The following DYNC1LI2 variants were observed in gnomAD, a reference collection of about 807,000 sequenced individuals.
The protein encoded by DYNC1LI2 is cytoplasmic dynein 1 light intermediate chain 2.
DYNC1LI2 carries 19 observed loss-of-function variants against 57.8 expected under a neutral mutation model. The ratio of observed to expected loss-of-function variants is 0.33; its 90% CI spans 0.23 to 0.48. The LOEUF (loss-of-function observed/expected upper bound fraction) is 0.48. Ranked by LOEUF, DYNC1LI2 falls within the 20% of genes least tolerant of loss-of-function variation. DYNC1LI2 has a pLI of 0.99. For missense variants in DYNC1LI2, 470 were observed against 604.2 expected, an observed-to-expected ratio of 0.78 and a Z score of 2.33; for synonymous variants, 256 against 233.4, an observed-to-expected ratio of 1.10 and a Z score of -0.88.
At chr16:66,738,880 AACAAACACACAC>A (rs1461821352) in intron 4 of DYNC1LI2, 4 of 103,188 alleles carry the variant, frequency 3.9e-5, no homozygotes, top group Non-Finnish European at 3.8e-5. Context: ...TTCAAAAAAA[AACAAACACACAC>A]ACACACACAC....
At chr16:66,748,181 G>A (rs1393866448) in intron 3 of DYNC1LI2, among the ~76,000 whole-genome samples, 2 of 150,302 alleles carry the variant, frequency 1.3e-5, no homozygotes, top group Non-Finnish European at 3.0e-5. Context: ...AGGAGGATGA[G>A]GTGGAAGGAT....
intron 2 of DYNC1LI2, among the ~76,000 whole-genome samples, chr16:66,750,251 C>G (rs1392020643): frequency 6.6e-6 from 1 of 152,164 alleles, no homozygotes; most frequent in South Asian, 2.1e-4. Context: ...TATTACCTAC[C>G]ACAGTCAATT....
chr16:66,727,847 T>A, intron 10 of DYNC1LI2, 42 bp from the exon 11 acceptor site: 1 of 1,509,896 alleles, frequency 6.6e-7, no homozygotes, highest in Admixed American at 1.9e-5. Context: ...GGCATAACAA[T>A]AACAAAAAAT....
rs144050843 is a variant in DYNC1LI2, at chr16:66,727,625, T to C, written c.1261+63A>G. The C allele has an allele frequency of 3.2e-4, 487 of 1,535,730 alleles. 5 individuals are homozygous for C. In the African/African-American group the frequency reaches 5.6e-3, roughly 18 times the overall value. On this transcript the variant is annotated intron_variant, in intron 11 of 12. Transcript: ENST00000258198. ...CTTATAGACTCAGCCACCCAGCCCC[T>C]GCAGGGCTCAGGTCTAAAACTAAAC...
intron 12 of DYNC1LI2, among the ~76,000 whole-genome samples, chr16:66,725,064 C>T (rs147026490): frequency 0.028 from 4,288 of 151,760 alleles, 91 homozygotes; most frequent in Non-Finnish European, 0.041. Context: ...GTCCCAGCTA[C>T]TCGGGAGGCT....
chr16:66,735,745 ATCCGCCCACC>A (rs1438831211), intron 5 of DYNC1LI2, among the ~76,000 whole-genome samples: 1 of 151,918 alleles, frequency 6.6e-6, no homozygotes, highest in Non-Finnish European at 1.5e-5. Context: ...TGACCTCATG[ATCCGCCCACC>A]TCAGCCTCCC....
intron 7 of DYNC1LI2, chr16:66,730,424 A>T: frequency 2.1e-6 from 1 of 483,116 alleles, no homozygotes; most frequent in Non-Finnish European, 3.7e-6. Flanking sequence ...CCTGCTCCAT[A>T]CTGAGTTCAT....
Position 66,723,600 on chromosome 16 carries a change from T to A in DYNC1LI2, c.*122A>T, listed in dbSNP as rs1181187337. On this transcript the variant is annotated 3_prime_UTR_variant, in exon 13 of 13. Coordinates refer to ENST00000258198, the MANE Select transcript of DYNC1LI2 (RefSeq NM_006141.3). Reference sequence around the variant, plus strand: ...GCCAATGAAGTTTTTTTTTTTTTTTTAAAGTTCATCTCCCCTGCCCCAAAA... The same window carrying A: ...GCCAATGAAGTTTTTTTTTTTTTTTAAAAGTTCATCTCCCCTGCCCCAAAA... The A allele has an allele frequency of 2.6e-5, 20 of 782,310 alleles. No homozygotes were observed. Among genetic ancestry groups the A allele is most frequent in the Admixed American group, 5.8e-5 (2 of 34,502 alleles). The allele number at this position is 782,310 out of a possible 1,614,324, so 48.5% of individuals were successfully genotyped here.
chr16:66,732,247 G>T, intron 7 of DYNC1LI2, 92 bp downstream of exon 7: 1 of 1,486,530 alleles, frequency 6.7e-7, no homozygotes, highest in Non-Finnish European at 9.0e-7. Context: ...AGAAGACACA[G>T]ACAGAAGGCA....
Position 66,751,406 on chromosome 16 carries a change from G to C in DYNC1LI2, c.108-60C>G. ...GCCGGGCTGGGATGGCCCGGCTCGC[G>C]TCGGCCCCTCAGTGTGTCCGACGGT... On this transcript the variant is annotated intron_variant, in intron 1 of 12. Coordinates refer to ENST00000258198, the MANE Select transcript of DYNC1LI2 (RefSeq NM_006141.3). This position sits in a 1 kb window ranked among gnomAD's most constrained non-coding sequence, Gnocchi z 5.2. 1 of 1,594,942 alleles carries C rather than the reference G, an allele frequency of 6.3e-7. No individual in the cohort carries two copies. The highest frequency in any genetic ancestry group is 8.5e-7 in the Non-Finnish European group (1 of 1,172,404).
intron 11 of DYNC1LI2, 70 bp downstream of exon 11, chr16:66,727,618 C>T: frequency 1.4e-6 from 2 of 1,481,370 alleles, no homozygotes; most frequent in African/African-American, 1.4e-5. Context: ...CTCAGCCACC[C>T]AGCCCCTGCA....
At position 66,749,202 on chromosome 16, in the gene DYNC1LI2, C is replaced by A; in HGVS notation, c.293G>T (p.Arg98Leu). 3 of 1,614,072 alleles carry A rather than the reference C, an allele frequency of 1.9e-6. No homozygotes were observed. The highest frequency in any genetic ancestry group is 2.5e-6 in the Non-Finnish European group (3 of 1,179,924). ...GGGACCAATGCTTCACTCACCATCT[C>A]GGTCCTCATCATGGACACTGAGGTA... ...YLYLSVHDED[R>L]DDHTRCNVWI... The change falls in exon 3 of 13, where the codon CGA (arginine) becomes CTA (leucine). Residue 98 changes from arginine to leucine, a missense_variant. Coordinates refer to ENST00000258198, the MANE Select transcript of DYNC1LI2 (RefSeq NM_006141.3).
rs2018037223 is a variant in DYNC1LI2 at position 66,751,012 on chromosome 16, C to T, written c.181+261G>A. ...GACCTCAATTTGGTAACCGTCGAGG[C>T]AATGAAGGCATAGAGGGCCAAGTGA... On this transcript the variant is annotated intron_variant, in intron 2 of 12. Coordinates refer to ENST00000258198, the MANE Select transcript of DYNC1LI2 (RefSeq NM_006141.3). This position sits in a 1 kb window ranked among gnomAD's most constrained non-coding sequence, Gnocchi z 5.2. Among the ~76,000 whole-genome samples the T allele has an allele frequency of 6.6e-6, 1 of 152,210 alleles. No individual in the cohort carries two copies. The highest frequency in any genetic ancestry group is 2.4e-5 in the African/African-American group (1 of 41,462).
At chr16:66,734,451 TA>T (rs1039086909) in intron 5 of DYNC1LI2, 140 bp from the exon 6 acceptor site, 1 of 787,844 alleles carries the variant, frequency 1.3e-6, no homozygotes, top group South Asian at 1.9e-5. Context: ...TAGAGAAGAG[TA>T]AAAAAGAACC....
intron 2 of DYNC1LI2, among the ~76,000 whole-genome samples, chr16:66,749,875 A>G (rs1163090013): frequency 6.6e-6 from 1 of 152,138 alleles, no homozygotes; most frequent in Non-Finnish European, 1.5e-5. Context: ...CTTCAGTACA[A>G]TCTCAGTTAA....
At chr16:66,729,191 G>T in intron 8 of DYNC1LI2, 92 bp from the exon 9 acceptor site, 1 of 1,385,236 alleles carries the variant, frequency 7.2e-7, no homozygotes, top group Non-Finnish European at 1.0e-6. Context: ...CGAGGCTCAG[G>T]CTTCAACACA....
Position 66,723,679 on chromosome 16 carries a change from C to T in DYNC1LI2, c.*43G>A, listed in dbSNP as rs2017487706. ...ATCCTGGTCTTAGCAGATCAATATA[C>T]ATAGTTATTTGGTCATTCGACATAT... On this transcript the variant is annotated 3_prime_UTR_variant, in exon 13 of 13. Transcript: ENST00000258198. 6.5e-7 allele frequency: 1 copy of T among 1,549,666 alleles called. No homozygotes were observed. Among genetic ancestry groups the T allele is most frequent in the Non-Finnish European group, 8.7e-7 (1 of 1,143,386 alleles).
At chr16:66,728,997 A>G in intron 9 of DYNC1LI2, 43 bp downstream of exon 9, 1 of 1,608,038 alleles carries the variant, frequency 6.2e-7, no homozygotes, top group Non-Finnish European at 8.5e-7. Context: ...CTGGCATTTC[A>G]TGCATGAGAA....
At position 66,720,893 on chromosome 16, in the gene DYNC1LI2, T is replaced by C. The variant is rs1313103819; in HGVS notation, c.*2829A>G. The C allele has an allele frequency of 1.3e-5, 2 of 152,574 alleles. No individual in the cohort carries two copies. The highest frequency in any genetic ancestry group is 2.4e-5 in the African/African-American group (1 of 41,438). 9.5% of individuals were successfully genotyped at this position (152,574 alleles called of 1,614,324 possible). ...TCACCATAAAGAAAGCCACCAAAAC[T>C]TGTAAGCAGTCTGGATTCGTGTTTA... is the stretch of plus-strand genomic sequence containing the variant. On this transcript the variant is annotated 3_prime_UTR_variant, in exon 13 of 13. Coordinates refer to ENST00000258198, the MANE Select transcript of DYNC1LI2 (RefSeq NM_006141.3).
Sources: gnomAD v4.1 joint callset for allele counts (sites outside exome capture counted in the v4.1 genomes callset) on GRCh38, gnomAD v4.1.1 for gene constraint, Gnocchi (gnomAD v3.1) non-coding constraint, MANE v1.5 for transcripts, NCBI Gene and HGNC (gene_info 2026-07-23, HGNC 2026-07-21) for gene names.